The following PDE11A variants were observed in gnomAD, a reference collection of about 807,000 sequenced individuals.
The protein encoded by PDE11A is phosphodiesterase 11A, also known as dual 3',5'-cyclic-AMP and -GMP phosphodiesterase 11A.
Under a neutral mutation model 100.5 loss-of-function variants are expected in PDE11A, and 100 were observed. The ratio of observed to expected loss-of-function variants is 1.00; its 90% CI spans 0.85 to 1.18. The LOEUF is 1.18. Ranked by LOEUF, PDE11A falls within the 50% of genes most tolerant of loss-of-function variation. The pLI is 0.00. For missense variants in PDE11A, 1,141 were observed against 1,152.6 expected (o/e 0.99, Z 0.15); for synonymous variants, 381 against 420.8 (o/e 0.91, Z 1.16).
chr2:177,790,168 A>G (rs1574144835), intron 9 of PDE11A, among the ~76,000 whole-genome samples: 1 of 149,622 alleles, frequency 6.7e-6, no homozygotes, highest in East Asian at 2.0e-4. Flanking sequence ...CCAAAACAGC[A>G]TGGTACTGGT....
At chr2:177,887,874 C>G (rs2084467047) in intron 4 of PDE11A, among the ~76,000 whole-genome samples, 1 of 152,106 alleles carries the variant, frequency 6.6e-6, no homozygotes, top group African/African-American at 2.4e-5. Context: ...GCCTAGTGCA[C>G]TATAAAGGGA....
chr2:177,839,760 G>A (rs2083459754), intron 6 of PDE11A, among the ~76,000 whole-genome samples: 1 of 152,174 alleles, frequency 6.6e-6, no homozygotes, highest in East Asian at 1.9e-4. Context: ...GTACACATAT[G>A]TACATAGAGA....
chr2:177,659,268 A>G (rs1259426398), intron 19 of PDE11A, among the ~76,000 whole-genome samples: 52 of 7,188 alleles, frequency 7.2e-3, no homozygotes, highest in Non-Finnish European at 0.014. Flanking sequence ...TCTCAGGGGG[A>G]AAAAAAAAAA....
chr2:177,858,373 T>C (rs1313291089), intron 5 of PDE11A, among the ~76,000 whole-genome samples: 2 of 150,428 alleles, frequency 1.3e-5, no homozygotes, highest in African/African-American at 4.9e-5. Flanking sequence ...ATATCCAGAA[T>C]CTACAATTAA....
chr2:177,726,660 G>GT (rs11423127), intron 12 of PDE11A, among the ~76,000 whole-genome samples: 83,488 of 142,690 alleles, frequency 0.59, 25,708 homozygotes, highest in East Asian at 0.9. Context: ...ATGAGGCAGA[G>GT]TTTTTTTTTT....
At chr2:177,799,881 TC>T (rs1378753370) in intron 9 of PDE11A, among the ~76,000 whole-genome samples, 4 of 152,036 alleles carry the variant, frequency 2.6e-5, no homozygotes, top group Non-Finnish European at 5.9e-5. Context: ...TGGGAAAGAG[TC>T]ACTGCAAATA....
At chr2:177,859,952 A>AAATC (rs1487529481) in intron 5 of PDE11A, among the ~76,000 whole-genome samples, 1 of 151,922 alleles carries the variant, frequency 6.6e-6, no homozygotes, top group African/African-American at 2.4e-5. Context: ...GGATGCAGCA[A>AAATC]AATCAGTACT....
chr2:177,701,325 C>T, intron 13 of PDE11A, 114 bp from the exon 14 acceptor site: 1 of 716,144 alleles, frequency 1.4e-6, no homozygotes, highest in Non-Finnish European at 2.6e-6. Context: ...CAGACACATC[C>T]TTAGGTAACT....
intron 1 of PDE11A, among the ~76,000 whole-genome samples, chr2:178,060,504 T>C (rs949817193): frequency 6.6e-6 from 1 of 152,170 alleles, no homozygotes; most frequent in Non-Finnish European, 1.5e-5. Flanking sequence ...AGGTTTAATC[T>C]TGGCAACCTC....
At position 177,794,952 on chromosome 2, in the gene PDE11A, A is replaced by AT. The variant is rs199502020; in HGVS notation, c.1737+21876dup. 7.3e-3 allele frequency among the ~76,000 whole-genome samples: 1,112 copies of AT among 151,912 alleles called. 11 individuals carry two copies. Among genetic ancestry groups the AT allele is most frequent in the African/African-American group, 0.026 (1,076 of 41,432 alleles). ...AGGTGCCCACCACCATGCCCAGCTG[A>AT]TTTTTTGTGTTTTTAGTAGAGATGA... On this transcript the variant is annotated intron_variant, in intron 9 of 19. Coordinates refer to ENST00000286063, the MANE Select transcript of PDE11A (RefSeq NM_016953.4).
chr2:178,061,892 A>G (rs1380060279), intron 1 of PDE11A, among the ~76,000 whole-genome samples: 2 of 152,218 alleles, frequency 1.3e-5, no homozygotes, highest in Non-Finnish European at 2.9e-5. Context: ...AGTATGAAAC[A>G]TTCTTATAAT....
chr2:178,039,189 T>C (rs1341299527), intron 1 of PDE11A, among the ~76,000 whole-genome samples: 1 of 152,204 alleles, frequency 6.6e-6, no homozygotes, highest in African/African-American at 2.4e-5. Context: ...ACATGGATAC[T>C]ATGCAGCCAT....
chr2:177,901,458 C>T (rs1386971313), intron 3 of PDE11A, among the ~76,000 whole-genome samples: 1 of 152,158 alleles, frequency 6.6e-6, no homozygotes, highest in Admixed American at 6.5e-5. Flanking sequence ...TACTCTTTCT[C>T]TTTTGCAATT....
At chr2:178,071,462 T>G in intron 1 of PDE11A, 64 bp downstream of exon 1, 2 of 1,606,670 alleles carry the variant, frequency 1.2e-6, no homozygotes, top group Non-Finnish European at 1.7e-6. Context: ...TGCCAGATGA[T>G]AACCGAAGGC....
chr2:178,072,414 A>T lies in PDE11A; in HGVS notation c.24T>A (p.Phe8Leu), dbSNP rs749997053. ...TGTCCAGGAAAGTTTCCACCTCCCC[A>T]AAGTCCAGGCGGGAGGCTGCCATGG... MAASRLDFGEVETFLDRH... is the reference protein window; with the variant it reads MAASRLDLGEVETFLDRH... Residue 8 changes from phenylalanine (F) to leucine (L), a missense_variant, in exon 1 of 20, where the codon TTT (phenylalanine) becomes TTA (leucine). Transcript: ENST00000286063. The T allele has an allele frequency of 1.9e-6, 3 of 1,613,284 alleles. No homozygotes were observed. Among genetic ancestry groups the T allele is most frequent in the South Asian group, 1.1e-5 (1 of 91,080 alleles).
At chr2:177,991,150 CA>C (rs1408525887) in intron 2 of PDE11A, among the ~76,000 whole-genome samples, 3 of 148,950 alleles carry the variant, frequency 2.0e-5, no homozygotes, top group African/African-American at 5.0e-5. Flanking sequence ...ATGGTAAAAC[CA>C]CCATCTCTAC....
chr2:178,026,368 A>G (rs1309009904), intron 1 of PDE11A, among the ~76,000 whole-genome samples: 2 of 152,218 alleles, frequency 1.3e-5, no homozygotes, highest in African/African-American at 4.8e-5. Flanking sequence ...TTAATGTTAA[A>G]AAGTAATTTT....
At chr2:177,798,743 GATAA>G (rs2082741728) in intron 9 of PDE11A, among the ~76,000 whole-genome samples, 1 of 151,830 alleles carries the variant, frequency 6.6e-6, no homozygotes, top group Non-Finnish European at 1.5e-5. Context: ...AATATATTGA[GATAA>G]ATAAACACAT....
intron 10 of PDE11A, among the ~76,000 whole-genome samples, chr2:177,739,540 C>T (rs919728922): frequency 1.3e-5 from 2 of 152,164 alleles, no homozygotes; most frequent in African/African-American, 2.4e-5. Flanking sequence ...CCAATCATCA[C>T]CTTCCAGTGA....
Sources: allele counts gnomAD v4.1 joint callset (sites outside exome capture counted in the v4.1 genomes callset), GRCh38; gene constraint gnomAD v4.1.1; transcripts MANE v1.5; gene names NCBI Gene and HGNC (gene_info 2026-07-23, HGNC 2026-07-21).